Variants in GAP43 observed in about 807,000 individuals in gnomAD.
GAP43 encodes the protein neuromodulin.
A neutral mutation model predicts 18.6 loss-of-function variants in GAP43; 6 were observed. That is an observed-to-expected ratio of 0.32 (90% CI 0.18 to 0.64). The LOEUF is 0.64. GAP43 is among the 30% of genes least tolerant of loss of function. The pLI, the probability that GAP43 is intolerant of heterozygous loss-of-function variation, is 0.78. For missense variants in GAP43, 292 were observed against 295.5 expected (o/e 0.99, Z 0.09); for synonymous variants, 115 against 111.4 (o/e 1.03, Z -0.20).
intron 2 of GAP43, among the ~76,000 whole-genome samples, chr3:115,713,313 G>C (rs1709464352): frequency 6.6e-6 from 1 of 152,330 alleles, no homozygotes; most frequent in South Asian, 2.1e-4. Flanking sequence ...GCCCCAGGAT[G>C]ATAGCAGCTT....
Position 115,654,163 on chromosome 3 carries a change from CTTTAA to C in GAP43, c.31-21845_31-21841del, listed in dbSNP as rs534102524. ...TACATCCATATTTCAATTGTTTTCA[CTTTAA>C]TTTATCAGTTGGCCACAATATATAT... On this transcript the variant is annotated intron_variant, in intron 1 of 2. Coordinates refer to ENST00000305124, the MANE Select transcript of GAP43 (RefSeq NM_002045.4). 1.9e-3 allele frequency among the ~76,000 whole-genome samples: 290 copies of C among 152,296 alleles called. 1 individual carries two copies. The highest frequency in any genetic ancestry group is 5.9e-3 in the African/African-American group (247 of 41,570).
intron 1 of GAP43, among the ~76,000 whole-genome samples, chr3:115,641,025 G>GTTTTTTTTTTTTTT (rs755356206): frequency 2.0e-5 from 1 of 48,998 alleles, no homozygotes; most frequent in Non-Finnish European, 4.5e-5. Context: ...GCTTTATTCT[G>GTTTTTTTTTTTTTT]TTTTTTTTTT....
At chr3:115,697,593 A>G (rs1283292491) in intron 2 of GAP43, among the ~76,000 whole-genome samples, 4 of 152,196 alleles carry the variant, frequency 2.6e-5, no homozygotes, top group Admixed American at 2.6e-4. Context: ...AGTCCATGCC[A>G]CAGGGAGGAA....
At chr3:115,690,318 T>A (rs1235965711) in intron 2 of GAP43, among the ~76,000 whole-genome samples, 1 of 151,208 alleles carries the variant, frequency 6.6e-6, no homozygotes, top group African/African-American at 2.4e-5. Flanking sequence ...CTCTGCTTGC[T>A]TCCAGACAGG....
At chr3:115,656,118 T>C (rs572431263) in intron 1 of GAP43, among the ~76,000 whole-genome samples, 1 of 152,304 alleles carries the variant, frequency 6.6e-6, no homozygotes, top group South Asian at 2.1e-4. Flanking sequence ...ACTGACTCAC[T>C]CTCTTGGTCT....
At chr3:115,656,526 A>C (rs1342744557) in intron 1 of GAP43, among the ~76,000 whole-genome samples, 1 of 152,188 alleles carries the variant, frequency 6.6e-6, no homozygotes, top group Admixed American at 6.5e-5. Flanking sequence ...AGGGTGGGGA[A>C]TCCCTGATCT....
chr3:115,714,708 G>GT (rs5851973), intron 2 of GAP43, among the ~76,000 whole-genome samples: 2 of 146,976 alleles, frequency 1.4e-5, no homozygotes, highest in Non-Finnish European at 3.0e-5. Flanking sequence ...TTTGTTTATT[G>GT]TTTTTTTTTT....
rs559845375 is a variant in GAP43, at chr3:115,676,607, A to G, written c.625A>G (p.Ile209Val). Residue 209 changes from isoleucine to valine, a missense_variant, in exon 2 of 3, where the codon ATA becomes GTA. Coordinates refer to ENST00000305124, the MANE Select transcript of GAP43 (RefSeq NM_002045.4). ...TGESSQAEEN[I>V]EAVDETKPKE... The stretch of plus-strand genomic sequence containing the variant: ...GGAGAGCAGCCAAGCTGAAGAGAAC[A>G]TAGGTGAGCAACCGCGAGGGTCAGA... 3.2e-5 allele frequency: 51 copies of G among 1,583,524 alleles called. No individual in the cohort carries two copies. In the East Asian group the frequency reaches 9.2e-4, roughly 29 times the overall value.
chr3:115,703,478 A>G (rs941607189), intron 2 of GAP43, among the ~76,000 whole-genome samples: 5 of 152,058 alleles, frequency 3.3e-5, no homozygotes, highest in African/African-American at 1.2e-4. Context: ...AATGCCTGTT[A>G]AAGTAGAGGC....
At chr3:115,641,682 C>T (rs928326534) in intron 1 of GAP43, among the ~76,000 whole-genome samples, 2 of 151,936 alleles carry the variant, frequency 1.3e-5, no homozygotes, top group African/African-American at 4.8e-5. Context: ...TTCAAGCTCC[C>T]AAGGAAAAGT....
intron 2 of GAP43, among the ~76,000 whole-genome samples, chr3:115,676,831 G>T (rs539961260): frequency 6.2e-4 from 94 of 152,332 alleles, no homozygotes; most frequent in Non-Finnish European, 9.3e-4. Context: ...ACTCAGGCAG[G>T]TCTATGTAGC....
intron 1 of GAP43, among the ~76,000 whole-genome samples, chr3:115,631,139 T>C (rs984118920): frequency 6.6e-6 from 1 of 152,222 alleles, no homozygotes; most frequent in African/African-American, 2.4e-5. Context: ...AGTCATTTCA[T>C]TCAGGTTTAG....
intron 1 of GAP43, among the ~76,000 whole-genome samples, chr3:115,657,389 C>T (rs1708596913): frequency 6.6e-6 from 1 of 152,162 alleles, no homozygotes; most frequent in South Asian, 2.1e-4. Context: ...GAAACTGATC[C>T]CGGGCCTCTT....
intron 2 of GAP43, among the ~76,000 whole-genome samples, chr3:115,681,115 G>T (rs183256339): frequency 7.6e-4 from 115 of 152,220 alleles, no homozygotes; most frequent in African/African-American, 2.6e-3. Flanking sequence ...GATACTCAGT[G>T]GTATACCTCT....
chr3:115,657,236 G>A (rs182944013), intron 1 of GAP43, among the ~76,000 whole-genome samples: 79 of 152,296 alleles, frequency 5.2e-4, no homozygotes, highest in Non-Finnish European at 1.0e-3. Context: ...GTGAGCAAGC[G>A]ATGAGCTAAA....
At chr3:115,708,444 C>G (rs1165434943) in intron 2 of GAP43, among the ~76,000 whole-genome samples, 1 of 152,150 alleles carries the variant, frequency 6.6e-6, no homozygotes, top group East Asian at 1.9e-4. Context: ...TATCTTTGGT[C>G]CAGATCTCCA....
At chr3:115,717,984 C>T (rs1709532873) in intron 2 of GAP43, among the ~76,000 whole-genome samples, 1 of 152,156 alleles carries the variant, frequency 6.6e-6, no homozygotes, top group Non-Finnish European at 1.5e-5. Flanking sequence ...ATCTCAGAAC[C>T]ATCTGAATGT....
At chr3:115,662,679 A>G (rs956627314) in intron 1 of GAP43, among the ~76,000 whole-genome samples, 3 of 152,188 alleles carry the variant, frequency 2.0e-5, no homozygotes, top group African/African-American at 7.2e-5. Context: ...AGGACTTTTT[A>G]TGCAGCAACA....
At chr3:115,702,281 G>A (rs903670997) in intron 2 of GAP43, among the ~76,000 whole-genome samples, 2 of 152,120 alleles carry the variant, frequency 1.3e-5, no homozygotes, top group African/African-American at 4.8e-5. Flanking sequence ...TGATAAGACA[G>A]TGGTAATATA....
Sources: gnomAD v4.1 joint callset for allele counts (sites outside exome capture counted in the v4.1 genomes callset) on GRCh38, gnomAD v4.1.1 for gene constraint, MANE v1.5 for transcripts, NCBI Gene and HGNC (gene_info 2026-07-23, HGNC 2026-07-21) for gene names.